Variants in CDH18 observed in about 807,000 individuals in gnomAD.
The protein encoded by CDH18 is cadherin-18.
A neutral mutation model predicts 67.9 loss-of-function variants in CDH18; 31 were observed. The observed-to-expected ratio is 0.46, with a 90% CI of 0.34 to 0.62. The LOEUF is 0.62. Among genes scored for constraint, CDH18 ranks in the 20% least tolerant of loss-of-function variants. The pLI, the probability that CDH18 is intolerant of heterozygous loss-of-function variation, is 0.01. For synonymous variants in CDH18, 362 were observed against 347.2 expected (o/e 1.04, Z -0.48); for missense variants, 890 against 975.5 (o/e 0.91, Z 1.17).
chr5:20,484,319 A>G (rs1003697730), intron 1 of CDH18, among the ~76,000 whole-genome samples: 1 of 152,080 alleles, frequency 6.6e-6, no homozygotes, highest in Non-Finnish European at 1.5e-5. Flanking sequence ...ATCTTTGTAC[A>G]CTGTTGGTGG....
chr5:20,422,320 A>G (rs937670787), intron 1 of CDH18, among the ~76,000 whole-genome samples: 1 of 151,048 alleles, frequency 6.6e-6, no homozygotes, highest in Non-Finnish European at 1.5e-5. Flanking sequence ...ACATGTGATC[A>G]TATTTTGTAT....
chr5:20,344,280 C>T (rs1022145235), intron 1 of CDH18, among the ~76,000 whole-genome samples: 1 of 152,060 alleles, frequency 6.6e-6, no homozygotes, highest in African/African-American at 2.4e-5. Context: ...TGAAATTTGC[C>T]TTAAAATTAA....
At chr5:19,826,663 C>A (rs1404053544) in intron 3 of CDH18, among the ~76,000 whole-genome samples, 1 of 152,176 alleles carries the variant, frequency 6.6e-6, no homozygotes, top group Non-Finnish European at 1.5e-5. Flanking sequence ...AAATAAGGTT[C>A]TTTTCAGACA....
At chr5:20,517,589 T>A (rs1471691236) in intron 1 of CDH18, among the ~76,000 whole-genome samples, 1 of 152,018 alleles carries the variant, frequency 6.6e-6, no homozygotes, top group Non-Finnish European at 1.5e-5. Flanking sequence ...ATGTATTTAC[T>A]TTGTACACAT....
chr5:20,505,117 A>G (rs1180940831), intron 1 of CDH18, among the ~76,000 whole-genome samples: 1 of 151,980 alleles, frequency 6.6e-6, no homozygotes, highest in Non-Finnish European at 1.5e-5. Flanking sequence ...TCACCAATCT[A>G]TTATATGGGG....
intron 5 of CDH18, among the ~76,000 whole-genome samples, chr5:19,687,643 T>C (rs926539623): frequency 3.3e-5 from 5 of 152,136 alleles, no homozygotes; most frequent in Non-Finnish European, 5.9e-5. Context: ...CAGTGCAGTT[T>C]CACATGCCTT....
chr5:19,881,534 G>A (rs140630750), intron 2 of CDH18, among the ~76,000 whole-genome samples: 147 of 144,060 alleles, frequency 1.0e-3, no homozygotes, highest in African/African-American at 3.5e-3. Flanking sequence ...TTAAGATGGA[G>A]TTTCACTCTT....
At chr5:19,729,812 A>C (rs1392546994) in intron 4 of CDH18, among the ~76,000 whole-genome samples, 1 of 152,148 alleles carries the variant, frequency 6.6e-6, no homozygotes, top group African/African-American at 2.4e-5. Context: ...TCTTACAAGT[A>C]TATTTGCATA....
intron 1 of CDH18, among the ~76,000 whole-genome samples, chr5:20,525,165 T>C (rs1478681008): frequency 6.6e-6 from 1 of 152,150 alleles, no homozygotes; most frequent in East Asian, 1.9e-4. Context: ...AGGATATACT[T>C]CATTCTGGAA....
At chr5:20,512,067 C>CA (rs1359780868) in intron 1 of CDH18, among the ~76,000 whole-genome samples, 2 of 151,714 alleles carry the variant, frequency 1.3e-5, no homozygotes, top group Non-Finnish European at 2.9e-5. Context: ...CTAAAAAATA[C>CA]AAAAAATTAG....
intron 9 of CDH18, among the ~76,000 whole-genome samples, chr5:19,528,654 T>C (rs967264449): frequency 6.6e-6 from 1 of 151,890 alleles, no homozygotes; most frequent in South Asian, 2.1e-4. Flanking sequence ...GATAACACAC[T>C]GAGTTATTTA....
intron 8 of CDH18, among the ~76,000 whole-genome samples, chr5:19,568,026 T>C (rs934270710): frequency 6.6e-6 from 1 of 152,206 alleles, no homozygotes; most frequent in Admixed American, 6.5e-5. Flanking sequence ...CAAAATTTCT[T>C]CCCATGAATA....
At chr5:20,159,459 C>T (rs1409716813) in intron 2 of CDH18, among the ~76,000 whole-genome samples, 1 of 152,168 alleles carries the variant, frequency 6.6e-6, no homozygotes, top group Non-Finnish European at 1.5e-5. Flanking sequence ...ATCCAACATA[C>T]TTACTCCAAC....
chr5:19,763,369 A>G (rs980742743), intron 3 of CDH18, among the ~76,000 whole-genome samples: 1 of 152,178 alleles, frequency 6.6e-6, no homozygotes, highest in African/African-American at 2.4e-5. Flanking sequence ...TAGCACAAAC[A>G]AAGGCTTCTC....
In CDH18 at chr5:20,519,942, C is replaced by CTTTTTTTTTTTTT. The variant is rs777265512; in HGVS notation, c.-580+55507_-580+55519dup. ...AGGCTGGAGTACAACACAGTCTTGG[C>CTTTTTTTTTTTTT]TTTTTTTTTTTTTTTTTTTTTTTTT... On this transcript the variant is annotated intron_variant, in intron 1 of 14. Coordinates refer to the CDH18 transcript ENST00000507958. Among the ~76,000 whole-genome samples the CTTTTTTTTTTTTT allele has an allele frequency of 2.2e-3, 90 of 41,688 alleles. 31 individuals are homozygous for CTTTTTTTTTTTTT. Among genetic ancestry groups the CTTTTTTTTTTTTT allele is most frequent in the African/African-American group, 3.2e-3 (36 of 11,260 alleles). The allele number at this position is 41,688 out of a possible 152,430, so 27.3% of individuals were successfully genotyped here.
intron 1 of CDH18, among the ~76,000 whole-genome samples, chr5:20,390,551 T>G (rs1055667969): frequency 4.6e-5 from 7 of 152,204 alleles, no homozygotes; most frequent in Non-Finnish European, 1.0e-4. Flanking sequence ...GACTGTATAC[T>G]AGTTCAATCA....
chr5:20,200,338 A>G (rs1449741158), intron 2 of CDH18, among the ~76,000 whole-genome samples: 1 of 152,144 alleles, frequency 6.6e-6, no homozygotes. Flanking sequence ...GTTTCAAAAA[A>G]GGGGGATTTA....
intron 1 of CDH18, among the ~76,000 whole-genome samples, chr5:20,349,669 T>C (rs547430840): frequency 5.9e-4 from 89 of 152,104 alleles, no homozygotes; most frequent in Admixed American, 1.6e-3. Flanking sequence ...ATGTTTTAGC[T>C]CCTTATCTGT....
chr5:20,444,997 T>G (rs1362965116), intron 1 of CDH18, among the ~76,000 whole-genome samples: 2 of 152,294 alleles, frequency 1.3e-5, no homozygotes, highest in African/African-American at 4.8e-5. Flanking sequence ...AGCCACAAAT[T>G]TTAAGCTTTG....
Sources: gnomAD v4.1 joint callset for allele counts (sites outside exome capture counted in the v4.1 genomes callset) on GRCh38, gnomAD v4.1.1 for gene constraint, MANE v1.5 for transcripts, NCBI Gene and HGNC (gene_info 2026-07-23, HGNC 2026-07-21) for gene names.